Variants in IFT140 observed in about 807,000 individuals in gnomAD.
IFT140 encodes intraflagellar transport 140, also known as intraflagellar transport protein 140 homolog.
Under a neutral mutation model 164.6 loss-of-function variants are expected in IFT140, and 133 were observed. The observed-to-expected ratio is 0.81, with a 90% CI of 0.70 to 0.93. The LOEUF (loss-of-function observed/expected upper bound fraction) is 0.93. Among genes scored for constraint, IFT140 ranks in the 40% least tolerant of loss-of-function variants. IFT140 has a pLI of 0.00. For missense variants in IFT140, 2,045 were observed against 1,972.3 expected, an observed-to-expected ratio of 1.04 and a Z score of -0.70; for synonymous variants, 860 against 817.3, an observed-to-expected ratio of 1.05 and a Z score of -0.89.
intron 15 of IFT140, among the ~76,000 whole-genome samples, chr16:1,567,954 AAGG>A (rs2033809388): frequency 6.6e-6 from 1 of 152,220 alleles, no homozygotes; most frequent in Admixed American, 6.5e-5. Flanking sequence ...TGTTTCGATG[AAGG>A]AGGACTTGGA....
At chr16:1,600,604 A>C (rs992916769) in intron 4 of IFT140, among the ~76,000 whole-genome samples, 2 of 152,244 alleles carry the variant, frequency 1.3e-5, no homozygotes, top group African/African-American at 4.8e-5. Flanking sequence ...CAACATTCAT[A>C]TAAAGAAGAG....
rs933213354 is a variant in IFT140 at position 1,531,375 on chromosome 16, C to G, written c.2400-4579G>C. ...TGTCAGGATGAGGGTGGCTGGCGAA[C>G]AGCGGCTTGACGATCATGCTTGCCG... is the stretch of plus-strand genomic sequence containing the variant. On this transcript the variant is annotated intron_variant, in intron 19 of 30. Transcript: ENST00000426508. The surrounding 1 kb of genome is among the most constrained non-coding windows in gnomAD (Gnocchi z 4.7). 6.6e-6 allele frequency: 1 copy of G among 152,218 alleles called. No individual in the cohort carries two copies. Among genetic ancestry groups the G allele is most frequent in the South Asian group, 2.1e-4 (1 of 4,836 alleles). 9.4% of individuals were successfully genotyped at this position (152,218 alleles called of 1,614,324 possible). A position where few individuals can be genotyped will look rare whatever the true frequency, so the allele number is the denominator to read the frequency against.
intron 9 of IFT140, 79 bp from the exon 10 acceptor site, chr16:1,586,354 C>G: frequency 2.8e-6 from 4 of 1,432,184 alleles, no homozygotes; most frequent in Non-Finnish European, 3.8e-6. Context: ...TCTCTAACCC[C>G]CTTCTTCAAA....
Position 1,551,946 on chromosome 16 carries a change from G to A in IFT140, c.2399+5989C>T, listed in dbSNP as rs2032679775. Among the ~76,000 whole-genome samples the A allele has an allele frequency of 6.6e-6, 1 of 152,166 alleles. No individual in the cohort carries two copies. Among genetic ancestry groups the A allele is most frequent in the Non-Finnish European group, 1.5e-5 (1 of 68,038 alleles). ...GTGATGTCCCCGGGGCCTCTCCCTG[G>A]TGACGTGTGGCCCGCGCTGTCCCCC... On this transcript the variant is annotated intron_variant, in intron 19 of 30. Transcript: ENST00000426508. The surrounding 1 kb of genome is among the most constrained non-coding windows in gnomAD (Gnocchi z 4.0).
chr16:1,602,461 T>A lies in IFT140; in HGVS notation c.278A>T (p.Lys93Met), dbSNP rs1272199081. 6.2e-7 allele frequency: 1 copy of A among 1,614,124 alleles called. No homozygotes were observed. Among genetic ancestry groups the A allele is most frequent in the Non-Finnish European group, 8.5e-7 (1 of 1,180,046 alleles). Residue 93 changes from lysine (K) to methionine (M), a missense_variant, in exon 4 of 31, where the codon AAG becomes ATG. Coordinates refer to ENST00000426508, the MANE Select transcript of IFT140 (RefSeq NM_014714.4). Reference protein sequence around the residue: ...GEVTVFNKQDKEQHTMPLTHT... With the variant: ...GEVTVFNKQDMEQHTMPLTHT... ...TGTCAGGGGCATCGTGTGCTGCTCC[T>A]TGTCCTGCTTGTTAAACACCGTCAC...
intron 10 of IFT140, among the ~76,000 whole-genome samples, chr16:1,585,606 G>C (rs1320776641): frequency 1.3e-5 from 2 of 151,954 alleles, no homozygotes; most frequent in Non-Finnish European, 2.9e-5. Flanking sequence ...ATGGGTTCGT[G>C]GGTAGATACA....
chr16:1,572,858 C>T, intron 13 of IFT140, among the ~76,000 whole-genome samples: 1 of 152,200 alleles, frequency 6.6e-6, no homozygotes, highest in East Asian at 1.9e-4. Context: ...AAGTGAGTGG[C>T]ACATCCCCAG....
At chr16:1,562,646 C>T (rs938916677) in intron 17 of IFT140, among the ~76,000 whole-genome samples, 5 of 152,136 alleles carry the variant, frequency 3.3e-5, no homozygotes, top group African/African-American at 1.2e-4. Context: ...GTGGTAGGCA[C>T]TTGTAGTCCC....
At chr16:1,540,755 G>A in intron 19 of IFT140, 1 of 869,198 alleles carries the variant, frequency 1.2e-6, no homozygotes, top group Non-Finnish European at 1.4e-6. Context: ...AAATTTCAAG[G>A]CAAGTCATTT....
In IFT140 at chr16:1,602,537, A is replaced by G; in HGVS notation, c.202T>C (p.Cys68Arg). ...AGCACCAGCCGCGTCGGGTGCCAGC[A>G]CAGGGAAGCAACCCGGAACGGCCTC... ...VERPFRVASL[C>R]WHPTRLVLAV... is the part of the protein sequence containing the mutation. Residue 68 changes from cysteine to arginine, a missense_variant, in exon 4 of 31, where the codon TGC becomes CGC. Physicochemically the swap from Cys to Arg is radical, Grantham distance 180. Coordinates refer to ENST00000426508, the MANE Select transcript of IFT140 (RefSeq NM_014714.4). 1 of 1,614,058 alleles carries G rather than the reference A, an allele frequency of 6.2e-7. No individual in the cohort carries two copies. The highest frequency in any genetic ancestry group is 1.1e-5 in the South Asian group (1 of 91,086).
intron 19 of IFT140, chr16:1,555,256 G>A (rs1392701973): frequency 1.1e-5 from 6 of 555,096 alleles, no homozygotes; most frequent in East Asian, 3.2e-5. Flanking sequence ...CCTGGTTAGC[G>A]CAACGCGGCT....
intron 19 of IFT140, among the ~76,000 whole-genome samples, chr16:1,550,524 C>T (rs1020950474): frequency 6.6e-6 from 1 of 152,262 alleles, no homozygotes; most frequent in Non-Finnish European, 1.5e-5. Context: ...CAGTGCCAGG[C>T]AGGCAGAGGG....
At chr16:1,579,008 C>T (rs908434942) in intron 13 of IFT140, among the ~76,000 whole-genome samples, 11 of 152,186 alleles carry the variant, frequency 7.2e-5, no homozygotes, top group South Asian at 2.1e-4. Context: ...TTACAGCGCT[C>T]GGCCTTTATA....
intron 19 of IFT140, chr16:1,542,216 GC>G: frequency 1.1e-6 from 1 of 897,640 alleles, no homozygotes. Context: ...CCACTGAGAA[GC>G]CCCATGGGGC....
chr16:1,513,648 G>A (rs891818189), intron 30 of IFT140, among the ~76,000 whole-genome samples: 3 of 151,754 alleles, frequency 2.0e-5, no homozygotes, highest in African/African-American at 7.3e-5. Context: ...GCACTGGGCA[G>A]GCTTCCTGCT....
chr16:1,567,999 G>A (rs1333860477), intron 15 of IFT140, among the ~76,000 whole-genome samples: 2 of 152,218 alleles, frequency 1.3e-5, no homozygotes, highest in African/African-American at 4.8e-5. Context: ...GGCAGGTCGG[G>A]GAGGAACAGA....
In IFT140 at chr16:1,519,863, C is replaced by T. The variant is rs2040466120; in HGVS notation, c.4040+18G>A. The T allele has an allele frequency of 1.3e-6, 2 of 1,519,904 alleles. No homozygotes were observed. Among genetic ancestry groups the T allele is most frequent in the Non-Finnish European group, 8.8e-7 (1 of 1,136,528 alleles). The allele number at this position is 1,519,904 out of a possible 1,614,324, so 94.2% of individuals were successfully genotyped here. A position where few individuals can be genotyped will look rare whatever the true frequency, so the allele number is the denominator to read the frequency against. On this transcript the variant is annotated intron_variant, in intron 29 of 30. Transcript: ENST00000426508. ...TCACATCTGCCCTGGCCTGTCCCCG[C>T]TGGCCCCGGGGGCACACCTGCGGGC... is the stretch of plus-strand genomic sequence containing the variant.
chr16:1,527,123 T>C (rs1333588144), intron 19 of IFT140: 6 of 363,844 alleles, frequency 1.6e-5, no homozygotes, highest in East Asian at 4.4e-5. Flanking sequence ...GGGCTTCCTG[T>C]GTTGCTTGCA....
chr16:1,556,140 A>AGG (rs1368971164), intron 19 of IFT140, among the ~76,000 whole-genome samples: 1 of 152,200 alleles, frequency 6.6e-6, no homozygotes, highest in African/African-American at 2.4e-5. Context: ...CCTTCAGCCT[A>AGG]TCTTTAGCGA....
Sources: gnomAD v4.1 joint callset for allele counts (sites outside exome capture counted in the v4.1 genomes callset) on GRCh38, gnomAD v4.1.1 for gene constraint, Gnocchi (gnomAD v3.1) non-coding constraint, MANE v1.5 for transcripts, NCBI Gene and HGNC (gene_info 2026-07-23, HGNC 2026-07-21) for gene names.